Variants in EEA1 observed in about 807,000 individuals in gnomAD.
The protein encoded by EEA1 is early endosome antigen 1.
EEA1 carries 111 observed loss-of-function variants against 209.2 expected under a neutral mutation model. The observed-to-expected ratio is 0.53, with a 90% CI of 0.45 to 0.62. The LOEUF (loss-of-function observed/expected upper bound fraction) is 0.62. Among genes scored for constraint, EEA1 ranks in the 20% least tolerant of loss-of-function variants. EEA1 has a pLI of 0.00. For synonymous variants in EEA1, 536 were observed against 540.6 expected (o/e 0.99, Z 0.12); for missense variants, 1,343 against 1,530.8 (o/e 0.88, Z 2.05).
intron 1 of EEA1, among the ~76,000 whole-genome samples, chr12:92,903,986 G>C (rs1340316607): frequency 5.3e-5 from 8 of 151,168 alleles, no homozygotes; most frequent in Non-Finnish European, 1.2e-4. Context: ...TTTTGAGACG[G>C]AGTTTCTCTC....
intron 22 of EEA1, among the ~76,000 whole-genome samples, chr12:92,782,834 T>C (rs1238866204): frequency 5.3e-5 from 8 of 152,168 alleles, no homozygotes; most frequent in Admixed American, 1.3e-4. Context: ...GTCTTAAGAC[T>C]CTTCCCTGAA....
rs542126283 is a variant in EEA1 at position 92,820,097 on chromosome 12, A to AC, written c.1525-587dup. 2.3e-4 allele frequency among the ~76,000 whole-genome samples: 35 copies of AC among 151,106 alleles called. No homozygotes were observed. In the South Asian group the frequency reaches 5.7e-3, roughly 24 times the overall value. ...CATGCTTATCTGCCTCACTCCAACCACCCCCCATTAAAATGTATACTCTAA... is the reference window on the plus strand; with the variant it reads ...CATGCTTATCTGCCTCACTCCAACCACCCCCCCATTAAAATGTATACTCTAA... On this transcript the variant is annotated intron_variant, in intron 13 of 28. Coordinates refer to ENST00000322349, the MANE Select transcript of EEA1 (RefSeq NM_003566.4).
At chr12:92,786,628 C>G (rs1429240018) in intron 22 of EEA1, among the ~76,000 whole-genome samples, 5 of 152,068 alleles carry the variant, frequency 3.3e-5, no homozygotes, top group Non-Finnish European at 7.4e-5. Flanking sequence ...CAGTTCTAAT[C>G]AACTCATACC....
At chr12:92,896,435 T>C (rs1879889879) in intron 1 of EEA1, among the ~76,000 whole-genome samples, 1 of 152,188 alleles carries the variant, frequency 6.6e-6, no homozygotes, top group African/African-American at 2.4e-5. Flanking sequence ...ATTTAGTTGA[T>C]AAAGCATCAG....
rs767451121 is a variant in EEA1, at chr12:92,929,071, T to A, written c.-5A>T. ...CTGTAAAATCCTCCTTAACATGGTT[T>A]AACCACCACCCGGCGCCGCCGCGGT... On this transcript the variant is annotated 5_prime_UTR_variant, in exon 1 of 29. Coordinates refer to ENST00000322349, the MANE Select transcript of EEA1 (RefSeq NM_003566.4). The A allele has an allele frequency of 1.9e-6, 3 of 1,592,498 alleles. No homozygotes were observed. The Admixed American group carries it at 5.2e-5, about 28-fold the overall frequency.
intron 22 of EEA1, among the ~76,000 whole-genome samples, chr12:92,787,003 G>A (rs572002398): frequency 3.6e-4 from 54 of 152,094 alleles, no homozygotes; most frequent in Non-Finnish European, 6.6e-4. Flanking sequence ...ACCTTTCTCC[G>A]GAGTCTCTGT....
At chr12:92,811,519 T>A in intron 16 of EEA1, 85 bp from the exon 17 acceptor site, 1 of 877,714 alleles carries the variant, frequency 1.1e-6, no homozygotes, top group Non-Finnish European at 1.5e-6. Context: ...TTGAAAACTC[T>A]AATTTTATTT....
chr12:92,859,548 G>T (rs780118593), intron 3 of EEA1, among the ~76,000 whole-genome samples: 1 of 151,696 alleles, frequency 6.6e-6, no homozygotes, highest in Admixed American at 6.6e-5. Flanking sequence ...AATAATCTTC[G>T]GTGTTTTGTT....
At position 92,776,064 on chromosome 12, in the gene EEA1, A is replaced by G; in HGVS notation, c.4183T>C (p.Ser1395Pro). 1 of 1,611,762 alleles carries G rather than the reference A, an allele frequency of 6.2e-7. No homozygotes were observed. The highest frequency in any genetic ancestry group is 8.5e-7 in the Non-Finnish European group (1 of 1,178,494). The change falls in exon 29 of 29, where the codon TCC becomes CCC. Residue 1395 changes from serine to proline, a missense_variant. This residue lies in a region of EEA1 where 28 missense variants were observed against 37.7 expected (regional missense o/e 0.74). Coordinates refer to ENST00000322349, the MANE Select transcript of EEA1 (RefSeq NM_003566.4). The stretch of plus-strand genomic sequence containing the variant: ...TCACAGACACGAACAGGCTTCTTGG[A>G]GGAAGGAGTTAAGGCATTTTTGGCT... ...CSAKNALTPSSKKPVRVCDAC... is the reference protein window; with the variant it reads ...CSAKNALTPSPKKPVRVCDAC...
At chr12:92,807,761 G>A (rs1451195078) in intron 18 of EEA1, among the ~76,000 whole-genome samples, 1 of 152,050 alleles carries the variant, frequency 6.6e-6, no homozygotes, top group Non-Finnish European at 1.5e-5. Flanking sequence ...ATACTGCTCA[G>A]AGAAATTAAA....
chr12:92,895,133 A>ATTTTTTT (rs537064468), intron 1 of EEA1, among the ~76,000 whole-genome samples: 2 of 95,088 alleles, frequency 2.1e-5, no homozygotes, highest in Non-Finnish European at 4.0e-5. Flanking sequence ...GGATCACTGA[A>ATTTTTTT]TTTTTTTTTT....
chr12:92,870,080 C>T (rs79700850), intron 2 of EEA1, among the ~76,000 whole-genome samples: 3,719 of 152,178 alleles, frequency 0.024, 166 homozygotes, highest in African/African-American at 0.084. Context: ...AGCCACTGCA[C>T]TTTTTGCAAA....
chr12:92,819,159 G>T, intron 14 of EEA1, 149 bp downstream of exon 14: 1 of 575,738 alleles, frequency 1.7e-6, no homozygotes. Flanking sequence ...TACCTCTTAA[G>T]GTACATGAGA....
chr12:92,808,976 A>C (rs746353938), intron 18 of EEA1, 41 bp downstream of exon 18: 1 of 1,537,500 alleles, frequency 6.5e-7, no homozygotes, highest in Non-Finnish European at 8.8e-7. Context: ...CTTAGTTCAC[A>C]ATCTTTTCCC....
intron 1 of EEA1, among the ~76,000 whole-genome samples, chr12:92,914,333 T>C (rs1210799755): frequency 6.6e-6 from 1 of 152,160 alleles, no homozygotes; most frequent in East Asian, 1.9e-4. Context: ...TCTCTTCTGT[T>C]CCATTGACCT....
chr12:92,892,876 C>G (rs865998108), intron 1 of EEA1, among the ~76,000 whole-genome samples: 4 of 152,280 alleles, frequency 2.6e-5, no homozygotes, highest in African/African-American at 9.6e-5. Flanking sequence ...GTGATCCCCC[C>G]ACCTTGGCCT....
intron 13 of EEA1, among the ~76,000 whole-genome samples, chr12:92,820,858 A>G (rs1235988310): frequency 1.3e-5 from 2 of 151,780 alleles, no homozygotes; most frequent in Admixed American, 1.3e-4. Flanking sequence ...ACAGATGCCA[A>G]TTCTCCCTCA....
Position 92,775,902 on chromosome 12 carries a change from T to C in EEA1, c.*109A>G. On this transcript the variant is annotated 3_prime_UTR_variant, in exon 29 of 29. Transcript: ENST00000322349. The stretch of plus-strand genomic sequence containing the variant: ...AAAATATACTAATTCCTATTTGGTC[T>C]AGTATTGCAACCAGTGTCCAAACCA... 5.2e-6 allele frequency: 6 copies of C among 1,148,292 alleles called. No individual in the cohort carries two copies. The highest frequency in any genetic ancestry group is 4.1e-4 in the Middle Eastern group (2 of 4,876). 71.1% of individuals were successfully genotyped at this position (1,148,292 alleles called of 1,614,324 possible).
At chr12:92,845,476 C>A (rs1384789225) in intron 9 of EEA1, among the ~76,000 whole-genome samples, 2 of 152,088 alleles carry the variant, frequency 1.3e-5, no homozygotes, top group Non-Finnish European at 2.9e-5. Context: ...GATCTCTATT[C>A]ATACTGACCT....
Sources: allele counts gnomAD v4.1 joint callset (sites outside exome capture counted in the v4.1 genomes callset), GRCh38; gene constraint gnomAD v4.1.1; regional missense constraint gnomAD v4.1.1; transcripts MANE v1.5; gene names NCBI Gene and HGNC (gene_info 2026-07-23, HGNC 2026-07-21).